KMT2B: variants seen among roughly 807,000 people sequenced by gnomAD.
The protein encoded by KMT2B is lysine methyltransferase 2B.
Under a neutral mutation model 255.3 loss-of-function variants are expected in KMT2B, and 22 were observed. That is an observed-to-expected ratio of 0.09 (90% CI 0.06 to 0.12). KMT2B has a LOEUF of 0.12. KMT2B is among the 10% of genes least tolerant of loss of function. The probability of loss-of-function intolerance (pLI) is 1.00; values close to 1 mark genes in which losing one functional copy is unlikely to be tolerated. For synonymous variants in KMT2B, 1,730 were observed against 1,498.1 expected (o/e 1.15, Z -3.57); for missense variants, 3,149 against 3,737.0 (o/e 0.84, Z 4.10).
chr19:35,722,002 CCTTT>C (rs1321395467), intron 3 of KMT2B, among the ~76,000 whole-genome samples, 198 bp downstream of exon 3: 1 of 117,366 alleles, frequency 8.5e-6, no homozygotes, highest in Admixed American at 7.7e-5. Context: ...TCCCTATCTT[CCTTT>C]TTTTTTTTTT....
rs1568381049 is a variant in KMT2B at position 35,732,692 on chromosome 19, C to T, written c.6143C>T (p.Ala2048Val). The T allele has an allele frequency of 2.5e-6, 4 of 1,608,312 alleles. No homozygotes were observed. Among genetic ancestry groups the T allele is most frequent in the Non-Finnish European group, 3.4e-6 (4 of 1,177,662 alleles). ...ACTGTGGTGTCCGCCCCTGGTCTGG[C>T]CCCCAGCGCTACCCCTGGAGCCCCC... ...PVTVVSAPGL[A>V]PSATPGAPRI... Residue 2048 changes from alanine to valine, a missense_variant, in exon 28 of 37, where the codon GCC becomes GTC. Physicochemically the swap from Ala to Val is moderately conservative, Grantham distance 64. Transcript: ENST00000420124.
rs752148834 is a variant in KMT2B at position 35,733,793 on chromosome 19, A to G, written c.7080A>G (p.Pro2360=). ...TCCAGGAACGGTCCCCTTTGCTGCC[A>G]CTTCCGGAAGATGGTCCTCCCCAGG... ...GPLQERSPLL[P]LPEDGPPQVP... Residue 2360 remains proline, a synonymous_variant, in exon 30 of 37, where the codon CCA becomes CCG. Transcript: ENST00000420124. The surrounding 1 kb of genome is among the most constrained non-coding windows in gnomAD (Gnocchi z 4.3). 5.6e-6 allele frequency: 9 copies of G among 1,612,872 alleles called. No homozygotes were observed. The African/African-American group carries it at 8.0e-5, about 14-fold the overall frequency.
At position 35,726,778 on chromosome 19, in the gene KMT2B, GT is replaced by G. The variant is rs377396745; in HGVS notation, c.4004-375del. Among the ~76,000 whole-genome samples, 28 of 152,308 alleles carry G rather than the reference GT, an allele frequency of 1.8e-4. 2 individuals carry two copies. In the South Asian group the frequency reaches 5.8e-3, roughly 32 times the overall value. On this transcript the variant is annotated intron_variant, in intron 14 of 36. Transcript: ENST00000420124. ...GCAGGTGGATCACCTGAGGTGAGGA[GT>G]TTGAGATCAGCCTGGCCAACATGGT...
intron 19 of KMT2B, 55 bp from the exon 20 acceptor site, chr19:35,728,719 C>A: frequency 7.2e-7 from 1 of 1,390,646 alleles, no homozygotes; most frequent in Non-Finnish European, 1.0e-6. Context: ...GTGGATGGGC[C>A]CCCGTTCAGC....
rs780452581 is a variant in KMT2B, at chr19:35,732,073, C to G, written c.5603C>G (p.Pro1868Arg). 1.2e-6 allele frequency: 2 copies of G among 1,610,332 alleles called. No individual in the cohort carries two copies. Among genetic ancestry groups the G allele is most frequent in the Non-Finnish European group, 1.7e-6 (2 of 1,178,444 alleles). Residue 1868 changes from proline to arginine, a missense_variant, in exon 27 of 37, where the codon CCC becomes CGC. Around this residue, in one of 18 missense-constraint regions of KMT2B, gnomAD observed 897 missense variants for 825.3 expected, o/e 1.09. Coordinates refer to ENST00000420124, the MANE Select transcript of KMT2B (RefSeq NM_014727.3). ...RSFSGARIKV[P>R]NYSPSRRPLG... ...TTTTCGGGGGCTCGAATCAAAGTGC[C>G]CAACTACTCGCCATCCCGGAGGCCC...
chr19:35,733,162 G>A lies in KMT2B; in HGVS notation c.6613G>A (p.Ala2205Thr). The part of the protein sequence containing the change: ...NKLGQVFVKM[A>T]GEGEPVPPPV... ...GCTGGGGCAAGTATTTGTGAAGATG[G>A]CTGGGGAGGGTGAACCTGTCCCACC... The change falls in exon 28 of 37, where the codon GCT (alanine) becomes ACT (threonine). Residue 2205 changes from alanine (A) to threonine (T), a missense_variant. Ala to Thr is a moderately conservative substitution (Grantham distance 58). Transcript: ENST00000420124. The surrounding 1 kb of genome is among the most constrained non-coding windows in gnomAD (Gnocchi z 4.3). The A allele has an allele frequency of 6.4e-7, 1 of 1,574,296 alleles. No individual in the cohort carries two copies. The highest frequency in any genetic ancestry group is 8.6e-7 in the Non-Finnish European group (1 of 1,159,162).
chr19:35,723,185 C>T lies in KMT2B; in HGVS notation c.2913C>T (p.Gly971=), dbSNP rs1969290424. ...TGGCTCGATGTGGACACTGTCGGGG[C>T]TGCCTACGTGTGCAGGACTGTGGGT... is the stretch of plus-strand genomic sequence containing the variant. ...MRMARCGHCR[G]CLRVQDCGSC... is the part of the protein sequence containing the mutation. The change falls in exon 6 of 37, where the codon GGC becomes GGT. Residue 971 remains glycine, a synonymous_variant. Coordinates refer to ENST00000420124, the MANE Select transcript of KMT2B (RefSeq NM_014727.3). The surrounding 1 kb of genome is among the most constrained non-coding windows in gnomAD (Gnocchi z 7.5). 1.2e-6 allele frequency: 2 copies of T among 1,613,302 alleles called. No homozygotes were observed. Among genetic ancestry groups the T allele is most frequent in the African/African-American group, 1.3e-5 (1 of 74,914 alleles).
Position 35,738,008 on chromosome 19 carries a change from T to C in KMT2B, c.7743-54T>C, listed in dbSNP as rs1199304754. Reference sequence around the variant, plus strand: ...GACAGGTGCACTGGGTAGGGGGTACTGTCTGGTTTCTGTCCCCCTCCCCCC... The same window carrying C: ...GACAGGTGCACTGGGTAGGGGGTACCGTCTGGTTTCTGTCCCCCTCCCCCC... On this transcript the variant is annotated intron_variant, in intron 35 of 36. Coordinates refer to ENST00000420124, the MANE Select transcript of KMT2B (RefSeq NM_014727.3). This position sits in a 1 kb window ranked among gnomAD's most constrained non-coding sequence, Gnocchi z 8.7. The C allele has an allele frequency of 1.9e-6, 3 of 1,612,796 alleles. No homozygotes were observed. The highest frequency in any genetic ancestry group is 2.5e-6 in the Non-Finnish European group (3 of 1,179,270).
Position 35,718,009 on chromosome 19 carries a change from C to A in KMT2B, c.-10C>A. 4.1e-6 allele frequency: 4 copies of A among 985,558 alleles called. No homozygotes were observed. Among genetic ancestry groups the A allele is most frequent in the Non-Finnish European group, 4.8e-6 (4 of 830,874 alleles). The allele number at this position is 985,558 out of a possible 1,614,324, so 61.1% of individuals were successfully genotyped here. The stretch of plus-strand genomic sequence containing the variant: ...CCCCCCGCCTCCCCGGCCCCTCTCA[C>A]GGTGCCAAGATGGCGGCGGCGGCGG... On this transcript the variant is annotated 5_prime_UTR_variant, in exon 1 of 37. Coordinates refer to ENST00000420124, the MANE Select transcript of KMT2B (RefSeq NM_014727.3). The surrounding 1 kb of genome is among the most constrained non-coding windows in gnomAD (Gnocchi z 5.0).
At position 35,738,056 on chromosome 19, in the gene KMT2B, C is replaced by G. The variant is rs778186474; in HGVS notation, c.7743-6C>G. ...CCCTGAGTTCCCTGTTCATCCTGCC[C>G]TGCAGATCAGCCATCCACGGGCGAG... On this transcript the variant is annotated splice_region_variant and splice_polypyrimidine_tract_variant and intron_variant, in intron 35 of 36. Coordinates refer to ENST00000420124, the MANE Select transcript of KMT2B (RefSeq NM_014727.3). The surrounding 1 kb of genome is among the most constrained non-coding windows in gnomAD (Gnocchi z 8.7). 2 of 1,613,862 alleles carry G rather than the reference C, an allele frequency of 1.2e-6. No individual in the cohort carries two copies. Among genetic ancestry groups the G allele is most frequent in the East Asian group, 2.2e-5 (1 of 44,884 alleles).
At position 35,725,836 on chromosome 19, in the gene KMT2B, C is replaced by T. The variant is rs1418322541; in HGVS notation, c.3885+18C>T. ...GCCACTGGGTGAGAGATGAGGTTCA[C>T]CCACTTGCTTTGTCTCTAATGAATA... On this transcript the variant is annotated intron_variant, in intron 13 of 36. Coordinates refer to ENST00000420124, the MANE Select transcript of KMT2B (RefSeq NM_014727.3). This position sits in a 1 kb window ranked among gnomAD's most constrained non-coding sequence, Gnocchi z 4.1. 4.5e-6 allele frequency: 7 copies of T among 1,552,440 alleles called. No individual in the cohort carries two copies. The highest frequency in any genetic ancestry group is 6.1e-6 in the Non-Finnish European group (7 of 1,146,022).
Position 35,727,653 on chromosome 19 carries a change from G to C in KMT2B, c.4302+31G>C. On this transcript the variant is annotated intron_variant, in intron 16 of 36. Transcript: ENST00000420124. This position sits in a 1 kb window ranked among gnomAD's most constrained non-coding sequence, Gnocchi z 4.2. ...GAGGGCCCTGGAGGCAGGATGGGCC[G>C]GGGCTAGGCCCACCCCCAGCCCTGC... The C allele has an allele frequency of 6.2e-7, 1 of 1,612,058 alleles. No individual in the cohort carries two copies. Among genetic ancestry groups the C allele is most frequent in the Non-Finnish European group, 8.5e-7 (1 of 1,179,182 alleles).
In KMT2B at chr19:35,723,110, C is replaced by T. The variant is rs1969287795; in HGVS notation, c.2838C>T (p.Ala946=). 1.2e-6 allele frequency: 2 copies of T among 1,613,222 alleles called. No homozygotes were observed. Among genetic ancestry groups the T allele is most frequent in the Non-Finnish European group, 8.5e-7 (1 of 1,179,850 alleles). The change falls in exon 6 of 37, where the codon GCC becomes GCT. Residue 946 remains alanine, a synonymous_variant. Transcript: ENST00000420124. This position sits in a 1 kb window ranked among gnomAD's most constrained non-coding sequence, Gnocchi z 7.5. ...SEPTGSGGTL[A]HTPRRSLPSH... ...CCACAGGTTCTGGAGGGACCCTGGC[C>T]CACACACCCCGGCGCTCACTGCCCT... is the stretch of plus-strand genomic sequence containing the variant.
chr19:35,725,442 G>T lies in KMT2B; in HGVS notation c.3643-37G>T. ...TCATCCCTTGGCCCTCTGGCCTCAT[G>T]CTATGCCCATCATTCACTCCTTTAC... On this transcript the variant is annotated intron_variant, in intron 11 of 36. Transcript: ENST00000420124. This position sits in a 1 kb window ranked among gnomAD's most constrained non-coding sequence, Gnocchi z 4.1. 6.2e-7 allele frequency: 1 copy of T among 1,605,942 alleles called. No homozygotes were observed.
At chr19:35,726,566 TG>T (rs1463736739) in intron 14 of KMT2B, among the ~76,000 whole-genome samples, 1 of 152,148 alleles carries the variant, frequency 6.6e-6, no homozygotes. Context: ...GTGGAAGGCC[TG>T]GGACCCCACT....
Position 35,732,794 on chromosome 19 carries a change from G to A in KMT2B, c.6245G>A (p.Gly2082Asp). Residue 2082 changes from glycine to aspartate, a missense_variant, in exon 28 of 37, where the codon GGC becomes GAC. Gly to Asp is a moderately conservative substitution (Grantham distance 94). This residue lies in a region of KMT2B where 897 missense variants were observed against 825.3 expected (regional missense o/e 1.09). Transcript: ENST00000420124. Reference protein sequence around the residue: ...AEAVQQPRGQGTPPSGPGVVR... With the variant: ...AEAVQQPRGQDTPPSGPGVVR... ...GCGGTGCAGCAGCCTCGGGGCCAGG[G>A]CACGCCTCCTTCGGGGCCAGGAGTA... The A allele has an allele frequency of 1.9e-6, 3 of 1,606,960 alleles. No homozygotes were observed. Among genetic ancestry groups the A allele is most frequent in the Non-Finnish European group, 2.5e-6 (3 of 1,177,442 alleles).
At chr19:35,734,661 T>G (rs960651154) in intron 30 of KMT2B, among the ~76,000 whole-genome samples, 2 of 151,870 alleles carry the variant, frequency 1.3e-5, no homozygotes, top group Non-Finnish European at 2.9e-5. Context: ...ATACATGGGG[T>G]GGAGGCCCCT....
rs556493224 is a variant in KMT2B at position 35,728,162 on chromosome 19, G to A, written c.4562G>A (p.Arg1521Gln). 1.8e-5 allele frequency: 28 copies of A among 1,591,306 alleles called. No individual in the cohort carries two copies. The highest frequency in any genetic ancestry group is 9.2e-5 in the East Asian group (4 of 43,516). The stretch of plus-strand genomic sequence containing the variant: ...CCCAAGTACTGGCGACGGAGTACCC[G>A]GCTGCCAAAGTGAGCAAGGCTGGGT... ...HDPKYWRRSTRLPNGVLPNAV... is the reference protein window; with the variant it reads ...HDPKYWRRSTQLPNGVLPNAV... Residue 1521 changes from arginine to glutamine, a missense_variant, in exon 19 of 37, where the codon CGG becomes CAG. Physicochemically the swap from Arg to Gln is conservative, Grantham distance 43. Coordinates refer to ENST00000420124, the MANE Select transcript of KMT2B (RefSeq NM_014727.3).
Position 35,725,810 on chromosome 19 carries a change from C to T in KMT2B, c.3877C>T (p.Arg1293Cys), listed in dbSNP as rs770209871. ...SYPTRATRKR[R>C]HWICSACVRC... is the part of the protein sequence containing the mutation. ...TCCAACCCGGGCCACGCGCAAACGG[C>T]GCCACTGGGTGAGAGATGAGGTTCA... Residue 1293 changes from arginine (R) to cysteine (C), a missense_variant, in exon 13 of 37, where the codon CGC (arginine) becomes TGC (cysteine). Physicochemically the swap from Arg to Cys is radical, Grantham distance 180. Around this residue, in one of 18 missense-constraint regions of KMT2B, gnomAD observed 377 missense variants for 471.0 expected, o/e 0.80. Transcript: ENST00000420124. The surrounding 1 kb of genome is among the most constrained non-coding windows in gnomAD (Gnocchi z 4.1). The T allele has an allele frequency of 8.9e-6, 14 of 1,575,634 alleles. No homozygotes were observed. The highest frequency in any genetic ancestry group is 1.7e-4 in the Middle Eastern group (1 of 6,032).
Sources: gnomAD v4.1 joint callset for allele counts (sites outside exome capture counted in the v4.1 genomes callset) on GRCh38, gnomAD v4.1.1 for gene constraint, gnomAD v4.1.1 regional missense constraint, Gnocchi (gnomAD v3.1) non-coding constraint, MANE v1.5 for transcripts, NCBI Gene and HGNC (gene_info 2026-07-23, HGNC 2026-07-21) for gene names.